The following WARS2 variants were observed in gnomAD, a reference collection of about 807,000 sequenced individuals.
WARS2 encodes the protein tryptophan--tRNA ligase, mitochondrial.
Under a neutral mutation model 36.5 loss-of-function variants are expected in WARS2, and 28 were observed. That is an observed-to-expected ratio of 0.77 (90% CI 0.57 to 1.05). WARS2 has a LOEUF of 1.05. Among genes scored for constraint, WARS2 ranks in the 50% least tolerant of loss-of-function variants. WARS2 has a pLI of 0.00. For missense variants in WARS2, 435 were observed against 456.8 expected, an observed-to-expected ratio of 0.95 and a Z score of 0.44; for synonymous variants, 174 against 178.4, an observed-to-expected ratio of 0.98 and a Z score of 0.20.
At chr1:119,095,069 G>A (rs932823085) in intron 1 of WARS2, among the ~76,000 whole-genome samples, 1 of 151,836 alleles carries the variant, frequency 6.6e-6, no homozygotes, top group African/African-American at 2.4e-5. Flanking sequence ...TTTTATGATC[G>A]ATTCCAAATA....
intron 1 of WARS2, among the ~76,000 whole-genome samples, chr1:119,133,537 T>C (rs1309035157): frequency 6.6e-6 from 1 of 152,234 alleles, no homozygotes; most frequent in Non-Finnish European, 1.5e-5. Flanking sequence ...CATCGTCATC[T>C]ATAAAATAGG....
At chr1:119,090,796 T>C (rs1370478569) in intron 1 of WARS2, among the ~76,000 whole-genome samples, 1 of 152,132 alleles carries the variant, frequency 6.6e-6, no homozygotes, top group Non-Finnish European at 1.5e-5. Flanking sequence ...CTCAAGAGGC[T>C]GAGGTGGGAG....
intron 3 of WARS2, among the ~76,000 whole-genome samples, chr1:119,044,755 T>G (rs886275855): frequency 6.6e-6 from 1 of 152,176 alleles, no homozygotes; most frequent in Non-Finnish European, 1.5e-5. Flanking sequence ...ATCTCACTCA[T>G]GAGGGTCCCA....
chr1:119,121,259 T>C (rs908921275), intron 1 of WARS2, among the ~76,000 whole-genome samples: 1 of 152,040 alleles, frequency 6.6e-6, no homozygotes, highest in Non-Finnish European at 1.5e-5. Context: ...GCAATCAAGC[T>C]GAGAATCAAA....
intron 2 of WARS2, among the ~76,000 whole-genome samples, chr1:119,054,816 A>G (rs1649639446): frequency 6.6e-6 from 1 of 152,256 alleles, no homozygotes. Flanking sequence ...CCAATATTGT[A>G]TGATTTATCT....
intron 1 of WARS2, among the ~76,000 whole-genome samples, chr1:119,117,248 C>A (rs1390530976): frequency 6.6e-6 from 1 of 152,116 alleles, no homozygotes; most frequent in Non-Finnish European, 1.5e-5. Context: ...AACCACCCCT[C>A]CATCCCCCAT....
intron 1 of WARS2, among the ~76,000 whole-genome samples, chr1:119,126,341 T>A (rs1181650839): frequency 6.6e-6 from 1 of 152,162 alleles, no homozygotes; most frequent in Middle Eastern, 3.2e-3. Context: ...TAATTTCAAT[T>A]AAGCTCTCAA....
At chr1:119,045,888 TACTCC>T (rs2101131214) in intron 2 of WARS2, among the ~76,000 whole-genome samples, 1 of 152,292 alleles carries the variant, frequency 6.6e-6, no homozygotes, top group South Asian at 2.1e-4. Context: ...TGTTTAAGTC[TACTCC>T]ACAATACCCC....
intron 1 of WARS2, among the ~76,000 whole-genome samples, chr1:119,088,043 G>A (rs775073367): frequency 1.3e-5 from 2 of 152,154 alleles, no homozygotes; most frequent in Admixed American, 6.5e-5. Flanking sequence ...TATGCGGCCC[G>A]GGCTTTAACA....
chr1:119,102,769 A>T (rs1653965203), intron 1 of WARS2, among the ~76,000 whole-genome samples: 1 of 152,176 alleles, frequency 6.6e-6, no homozygotes, highest in Non-Finnish European at 1.5e-5. Context: ...CAGAATTACT[A>T]AAGCTCTTCT....
chr1:119,123,482 T>C (rs1480625226), intron 1 of WARS2, among the ~76,000 whole-genome samples: 2 of 152,202 alleles, frequency 1.3e-5, no homozygotes, highest in African/African-American at 4.8e-5. Context: ...GAGACTATGT[T>C]AATCAGTGAA....
At chr1:119,056,315 G>A (rs1419129192) in intron 2 of WARS2, among the ~76,000 whole-genome samples, 1 of 150,762 alleles carries the variant, frequency 6.6e-6, no homozygotes, top group African/African-American at 2.4e-5. Flanking sequence ...GGGATTACAG[G>A]CATGAGCCAT....
chr1:119,046,392 A>T (rs967509875), intron 2 of WARS2, among the ~76,000 whole-genome samples: 2 of 143,646 alleles, frequency 1.4e-5, no homozygotes, highest in African/African-American at 5.2e-5. Context: ...TCTGTCGCCC[A>T]GGCTGCAGTG....
Position 119,032,814 on chromosome 1 carries a change from T to C in WARS2, c.*97A>G. 1 of 1,187,614 alleles carries C rather than the reference T, an allele frequency of 8.4e-7. No homozygotes were observed. The highest frequency in any genetic ancestry group is 2.6e-5 in the Admixed American group (1 of 38,374). The allele number at this position is 1,187,614 out of a possible 1,614,324, so 73.6% of individuals were successfully genotyped here. On this transcript the variant is annotated 3_prime_UTR_variant, in exon 6 of 6. Transcript: ENST00000235521. ...ATAATCAGCTATACCAAATTAAATG[T>C]CCCAAAACTATAACTTTTTCTTTTT...
At chr1:119,137,089 G>A (rs1220078551) in intron 1 of WARS2, among the ~76,000 whole-genome samples, 1 of 152,120 alleles carries the variant, frequency 6.6e-6, no homozygotes. Context: ...TTTGATCTTG[G>A]ACTAAGGAAA....
chr1:119,138,514 A>G (rs899053048), intron 1 of WARS2, among the ~76,000 whole-genome samples: 2 of 152,210 alleles, frequency 1.3e-5, no homozygotes, highest in Non-Finnish European at 2.9e-5. Context: ...AAGGAAACAA[A>G]TAACTTTTAA....
intron 1 of WARS2, among the ~76,000 whole-genome samples, chr1:119,081,862 T>G (rs1385158318): frequency 6.6e-6 from 1 of 152,196 alleles, no homozygotes; most frequent in African/African-American, 2.4e-5. Context: ...TCTGAAGGTT[T>G]GGCCATGCCT....
At chr1:119,120,619 T>A (rs1460321230) in intron 1 of WARS2, among the ~76,000 whole-genome samples, 1 of 151,888 alleles carries the variant, frequency 6.6e-6, no homozygotes, top group Non-Finnish European at 1.5e-5. Context: ...CAGACCAATA[T>A]CCCTGATGAA....
In WARS2 at chr1:119,032,225, T is replaced by C. The variant is rs1483121081; in HGVS notation, c.*686A>G. ...TGAAATGAATGCAAGAAAGCACTTA[T>C]TAAGAATATAATTCAGGGACTTGGG... On this transcript the variant is annotated 3_prime_UTR_variant, in exon 6 of 6. Transcript: ENST00000235521. The C allele has an allele frequency of 6.6e-6, 1 of 152,192 alleles. No individual in the cohort carries two copies. The highest frequency in any genetic ancestry group is 2.4e-5 in the African/African-American group (1 of 41,448). The allele number at this position is 152,192 out of a possible 1,614,324, so 9.4% of individuals were successfully genotyped here.
Sources: allele counts gnomAD v4.1 joint callset (sites outside exome capture counted in the v4.1 genomes callset), GRCh38; gene constraint gnomAD v4.1.1; transcripts MANE v1.5; gene names NCBI Gene and HGNC (gene_info 2026-07-23, HGNC 2026-07-21).